The following GRIK2 variants were observed in gnomAD, a reference collection of about 807,000 sequenced individuals.
GRIK2 encodes glutamate receptor ionotropic, kainate 2.
Under a neutral mutation model 100.3 loss-of-function variants are expected in GRIK2, and 32 were observed. The ratio of observed to expected loss-of-function variants is 0.32; its 90% CI spans 0.24 to 0.43. The LOEUF is 0.43. GRIK2 is among the 20% of genes least tolerant of loss of function. The pLI is 1.00. For synonymous variants in GRIK2, 417 were observed against 389.4 expected (o/e 1.07, Z -0.83); for missense variants, 843 against 1,114.9 (o/e 0.76, Z 3.47).
chr6:101,539,893 G>A (rs999245285), intron 2 of GRIK2, among the ~76,000 whole-genome samples: 5 of 151,606 alleles, frequency 3.3e-5, no homozygotes, highest in South Asian at 2.1e-4. Context: ...CAGTTTTGTC[G>A]CAGCAAGTTG....
rs1336343850 is a variant in GRIK2, at chr6:101,393,996, G to T, written c.-294+159G>T. On this transcript the variant is annotated intron_variant, in intron 1 of 16. Transcript: ENST00000369134. ...CTGCGGACGTCCGTGCGCTCGGGGC[G>T]CCCGCTGGACGGATTCACTGCGAGT... Among the ~76,000 whole-genome samples, 3 of 152,234 alleles carry T rather than the reference G, an allele frequency of 2.0e-5. No homozygotes were observed. In the East Asian group the frequency reaches 5.8e-4, roughly 29 times the overall value.
chr6:101,535,055 A>G (rs1002703912), intron 2 of GRIK2, among the ~76,000 whole-genome samples: 2 of 151,674 alleles, frequency 1.3e-5, no homozygotes, highest in Admixed American at 6.6e-5. Flanking sequence ...AAGTAGTTTC[A>G]TTTTGTGGCA....
chr6:101,801,572 T>A (rs1237600536), intron 8 of GRIK2, among the ~76,000 whole-genome samples: 1 of 152,000 alleles, frequency 6.6e-6, no homozygotes, highest in Non-Finnish European at 1.5e-5. Flanking sequence ...ACATTTTAGT[T>A]GTGAGTATAC....
intron 2 of GRIK2, among the ~76,000 whole-genome samples, chr6:101,583,401 CTCT>C (rs1778196068): frequency 6.6e-6 from 1 of 151,872 alleles, no homozygotes; most frequent in African/African-American, 2.4e-5. Context: ...TGTAAAACTT[CTCT>C]TCTTTGATTC....
intron 16 of GRIK2, among the ~76,000 whole-genome samples, chr6:102,061,114 A>C (rs1771728552): frequency 6.6e-6 from 1 of 150,572 alleles, no homozygotes; most frequent in African/African-American, 2.4e-5. Context: ...ATGAGGTGTC[A>C]ATCTTCATTT....
chr6:101,819,331 T>C (rs1359580198), intron 10 of GRIK2, among the ~76,000 whole-genome samples: 1 of 152,196 alleles, frequency 6.6e-6, no homozygotes, highest in Non-Finnish European at 1.5e-5. Context: ...AAATTTGATT[T>C]ATGGTGGGAA....
chr6:101,780,726 T>C (rs1227442222), intron 7 of GRIK2, among the ~76,000 whole-genome samples: 4 of 152,172 alleles, frequency 2.6e-5, no homozygotes, highest in South Asian at 2.1e-4. Context: ...CAAGGAATTA[T>C]AGAGTCAATA....
intron 11 of GRIK2, among the ~76,000 whole-genome samples, chr6:101,885,092 T>C (rs917325511): frequency 6.6e-6 from 1 of 152,098 alleles, no homozygotes; most frequent in Non-Finnish European, 1.5e-5. Context: ...ACTGAGACAA[T>C]ACAGTTACAA....
At chr6:101,832,033 T>G (rs1373104209) in intron 10 of GRIK2, among the ~76,000 whole-genome samples, 2 of 152,110 alleles carry the variant, frequency 1.3e-5, no homozygotes, top group African/African-American at 2.4e-5. Flanking sequence ...TTATCAGTCT[T>G]TATAAATGTT....
chr6:101,984,653 A>ACACC (rs1554186994), intron 14 of GRIK2, among the ~76,000 whole-genome samples: 1 of 150,336 alleles, frequency 6.7e-6, no homozygotes, highest in Non-Finnish European at 1.5e-5. Flanking sequence ...ACACACACAC[A>ACACC]CACCCTTCAA....
intron 7 of GRIK2, among the ~76,000 whole-genome samples, chr6:101,758,848 T>C (rs1182344195): frequency 1.3e-5 from 2 of 152,114 alleles, no homozygotes; most frequent in Non-Finnish European, 2.9e-5. Context: ...AGGAAAGCTT[T>C]TTGGAGACAA....
chr6:102,039,206 A>G (rs1375574415), intron 15 of GRIK2, among the ~76,000 whole-genome samples: 2 of 151,456 alleles, frequency 1.3e-5, no homozygotes, highest in Admixed American at 1.3e-4. Flanking sequence ...AGAATAAGCT[A>G]TTTAATTAAG....
intron 14 of GRIK2, among the ~76,000 whole-genome samples, chr6:102,032,415 A>G (rs945056165): frequency 1.3e-5 from 2 of 151,278 alleles, no homozygotes; most frequent in Non-Finnish European, 3.0e-5. Context: ...TATCTGAATC[A>G]TATAAGGGAC....
At chr6:101,796,918 T>C (rs1780343705) in intron 7 of GRIK2, among the ~76,000 whole-genome samples, 1 of 152,120 alleles carries the variant, frequency 6.6e-6, no homozygotes, top group Non-Finnish European at 1.5e-5. Context: ...TCAAAGAGTT[T>C]TATTAGCAAC....
chr6:101,909,377 T>TTTTTTTTG (rs1554284509), intron 12 of GRIK2, among the ~76,000 whole-genome samples: 3,526 of 116,068 alleles, frequency 0.03, 147 homozygotes, highest in South Asian at 0.063. Flanking sequence ...TAGGGTTTTC[T>TTTTTTTTG]TTTTCTTTTT....
intron 4 of GRIK2, among the ~76,000 whole-genome samples, chr6:101,627,016 A>G (rs930824887): frequency 3.9e-5 from 6 of 152,078 alleles, no homozygotes; most frequent in Admixed American, 3.3e-4. Flanking sequence ...TCATTTAAAA[A>G]GTAAGAATCC....
At chr6:101,486,396 G>C (rs1402557402) in intron 2 of GRIK2, among the ~76,000 whole-genome samples, 2 of 135,552 alleles carry the variant, frequency 1.5e-5, no homozygotes, top group East Asian at 5.3e-4. Flanking sequence ...TGGGGCGGGG[G>C]GGGGAAGCTA....
At position 101,769,915 on chromosome 6, in the gene GRIK2, C is replaced by T. The variant is rs1272692182; in HGVS notation, c.952-29733C>T. ...TACCTTTGGCTACAGAGACCAATAA[C>T]AAGGTTATCGCCAGTCCGAGGTTAG... On this transcript the variant is annotated intron_variant, in intron 7 of 16. Transcript: ENST00000369134. 3.9e-5 allele frequency among the ~76,000 whole-genome samples: 6 copies of T among 152,168 alleles called. No homozygotes were observed. The East Asian group carries it at 1.2e-3, about 29-fold the overall frequency.
At chr6:101,417,198 T>G (rs1776190101) in intron 2 of GRIK2, among the ~76,000 whole-genome samples, 1 of 152,094 alleles carries the variant, frequency 6.6e-6, no homozygotes, top group African/African-American at 2.4e-5. Context: ...TTCACTATCA[T>G]GAGAATTGCA....
Sources: allele counts gnomAD v4.1 joint callset (sites outside exome capture counted in the v4.1 genomes callset), GRCh38; gene constraint gnomAD v4.1.1; transcripts MANE v1.5; gene names NCBI Gene and HGNC (gene_info 2026-07-23, HGNC 2026-07-21).